Variants in MGAM observed in about 807,000 individuals in gnomAD.
MGAM encodes maltase-glucoamylase.
Under a neutral mutation model 358.8 loss-of-function variants are expected in MGAM, and 253 were observed. The observed-to-expected ratio is 0.71, with a 90% CI of 0.64 to 0.78. The LOEUF (loss-of-function observed/expected upper bound fraction) is 0.78, where lower values mean the gene tolerates loss of function less well. MGAM is among the 30% of genes least tolerant of loss of function. The probability of loss-of-function intolerance (pLI) is 0.00; values close to 1 mark genes in which losing one functional copy is unlikely to be tolerated. For missense variants in MGAM, 3,080 were observed against 3,432.6 expected (o/e 0.90, Z 2.57); for synonymous variants, 1,105 against 1,227.1 (o/e 0.90, Z 2.08).
chr7:142,033,237 G>C (rs1236434553), intron 14 of MGAM, among the ~76,000 whole-genome samples: 4 of 152,132 alleles, frequency 2.6e-5, no homozygotes, highest in Non-Finnish European at 2.9e-5. Flanking sequence ...ACAGGCCAGG[G>C]TTTACCAGAG....
intron 44 of MGAM, among the ~76,000 whole-genome samples, chr7:142,072,000 TTCTAGA>T (rs1813384004): frequency 6.8e-6 from 1 of 146,154 alleles, no homozygotes; most frequent in Non-Finnish European, 1.5e-5. Flanking sequence ...ATTTTTCAAA[TTCTAGA>T]CTTTTTTATG....
intron 21 of MGAM, among the ~76,000 whole-genome samples, chr7:142,042,921 T>C (rs1809210660): frequency 2.3e-5 from 1 of 42,590 alleles, no homozygotes; most frequent in Non-Finnish European, 4.4e-5. Context: ...TATATATACA[T>C]ATAATATCTA....
intron 2 of MGAM, among the ~76,000 whole-genome samples, chr7:142,007,358 T>TTAGA (rs1805252382): frequency 2.0e-5 from 3 of 152,128 alleles, no homozygotes. Flanking sequence ...CCATGGTTTC[T>TTAGA]TATCTGATTC....
At position 142,008,618 on chromosome 7, in the gene MGAM, A is replaced by G; in HGVS notation, c.240A>G (p.Thr80=). Residue 80 remains threonine (T), a synonymous_variant, in exon 3 of 71, where the codon ACA becomes ACG. Coordinates refer to ENST00000475668, the MANE Select transcript of MGAM (RefSeq NM_001365693.1). Reference sequence around the variant, plus strand: ...CAACGGGTCCCCCAGATCCTGGAACAACTGGTACCACTCCTGTTTCTGCTG... The same window carrying G: ...CAACGGGTCCCCCAGATCCTGGAACGACTGGTACCACTCCTGTTTCTGCTG... The part of the protein sequence containing the change: ...ARTTGPPDPG[T]TGTTPVSAEC... The G allele has an allele frequency of 6.2e-7, 1 of 1,613,562 alleles. No homozygotes were observed.
chr7:142,092,563 C>G lies in MGAM; in HGVS notation c.6988C>G (p.Pro2330Ala), dbSNP rs559620536. The G allele has an allele frequency of 5.8e-6, 9 of 1,549,220 alleles. No individual in the cohort carries two copies. In the East Asian group the frequency reaches 2.1e-4, roughly 35 times the overall value. ...AAGCTTCGTGAATGGGGCAGTTTCTCCAGGCTGCAGGGATGCCTCTCTGAA... is the reference window on the plus strand; with the variant it reads ...AAGCTTCGTGAATGGGGCAGTTTCTGCAGGCTGCAGGGATGCCTCTCTGAA... ...PSSFVNGAVS[P>A]GCRDASLNHP... The change falls in exon 59 of 71, where the codon CCA (proline) becomes GCA (alanine). Residue 2330 changes from proline (P) to alanine (A), a missense_variant. Physicochemically the swap from Pro to Ala is conservative, Grantham distance 27. Around this residue, in one of 5 missense-constraint regions of MGAM, gnomAD observed 932 missense variants for 1,198.2 expected, o/e 0.78. Transcript: ENST00000475668.
chr7:142,016,508 C>G (rs1554456223), intron 3 of MGAM, among the ~76,000 whole-genome samples: 1 of 152,106 alleles, frequency 6.6e-6, no homozygotes, highest in Non-Finnish European at 1.5e-5. Flanking sequence ...TATCTTGAAA[C>G]TTTAATCATC....
Position 142,065,572 on chromosome 7 carries a change from G to A in MGAM, c.4619-16G>A, listed in dbSNP as rs1161444737. ...CATGAGAGCCTGGTGTGACACAGCT[G>A]TGCTTCTCGTTGCAGGCATGATGGA... On this transcript the variant is annotated splice_polypyrimidine_tract_variant and intron_variant, in intron 38 of 70. Transcript: ENST00000475668. 1 of 1,613,990 alleles carries A rather than the reference G, an allele frequency of 6.2e-7. No homozygotes were observed. The highest frequency in any genetic ancestry group is 1.7e-5 in the Admixed American group (1 of 60,030).
chr7:142,029,247 C>G (rs998868344), intron 10 of MGAM, among the ~76,000 whole-genome samples: 2 of 152,018 alleles, frequency 1.3e-5, no homozygotes, highest in Admixed American at 1.3e-4. Flanking sequence ...GTAATCCCAG[C>G]TATTCGGGAA....
At chr7:141,998,544 ATGG>A (rs1804463831) in intron 1 of MGAM, among the ~76,000 whole-genome samples, 1 of 152,164 alleles carries the variant, frequency 6.6e-6, no homozygotes, top group African/African-American at 2.4e-5. Flanking sequence ...GCTGAGAATG[ATGG>A]CTTCCAGTTT....
Position 142,078,538 on chromosome 7 carries a change from G to A in MGAM, c.5646+68G>A. Reference sequence around the variant, plus strand: ...CCTAATCTATAGTTTCTTAAGCATAGCAGTGGCACTTATATAACTACTTAA... The same window carrying A: ...CCTAATCTATAGTTTCTTAAGCATAACAGTGGCACTTATATAACTACTTAA... On this transcript the variant is annotated intron_variant, in intron 48 of 70. Transcript: ENST00000475668. The A allele has an allele frequency of 2.9e-6, 4 of 1,378,850 alleles. 1 individual carries two copies. The highest frequency in any genetic ancestry group is 3.9e-6 in the Non-Finnish European group (4 of 1,014,354). The allele number at this position is 1,378,850 out of a possible 1,614,324, so 85.4% of individuals were successfully genotyped here.
chr7:142,052,035 C>G (rs62477573), intron 24 of MGAM, among the ~76,000 whole-genome samples: 21,299 of 152,018 alleles, frequency 0.14, 1,699 homozygotes, highest in Middle Eastern at 0.27. Context: ...AAGGGGTGAT[C>G]ACAACAGGTT....
At chr7:141,987,126 G>A (rs1336719181) in intron 2 of MGAM, among the ~76,000 whole-genome samples, 3 of 152,230 alleles carry the variant, frequency 2.0e-5, no homozygotes, top group African/African-American at 7.2e-5. Flanking sequence ...GAAACTGGAA[G>A]TTAGGATAGT....
In MGAM at chr7:142,052,347, A is replaced by G. The variant is rs540156116; in HGVS notation, c.2859A>G (p.Glu953=). The G allele has an allele frequency of 1.2e-4, 195 of 1,610,550 alleles. 4 individuals carry two copies. In the South Asian group the frequency reaches 2.0e-3, roughly 16 times the overall value. Residue 953 remains glutamate (E), a synonymous_variant, in exon 25 of 71, where the codon GAA becomes GAG. Coordinates refer to ENST00000475668, the MANE Select transcript of MGAM (RefSeq NM_001365693.1). ...TCCTGGGAGAAGCATACACAGTGGA[A>G]TGGAGCATAAAGATAAGGGATGAAG... The part of the protein sequence containing the change: ...DLLLGEAYTV[E]WSIKIRDEEK...
At chr7:142,044,619 A>G (rs1431526967) in intron 21 of MGAM, among the ~76,000 whole-genome samples, 28 of 91,828 alleles carry the variant, frequency 3.0e-4, no homozygotes, top group Non-Finnish European at 6.0e-4. Context: ...ATGATATATA[A>G]TGTATATTAT....
Position 142,059,882 on chromosome 7 carries a change from A to T in MGAM, c.3975A>T (p.Thr1325=), listed in dbSNP as rs193173767. 12 of 1,611,068 alleles carry T rather than the reference A, an allele frequency of 7.4e-6. No homozygotes were observed. In the East Asian group the frequency reaches 2.5e-4, roughly 33 times the overall value. ...ILDPAISGNE[T]QPYPAFTRGV... ...ATCCAGCCATTTCTGGCAATGAGAC[A>T]CAGCCTTATCCTGCCTTCACTCGGG... Residue 1325 remains threonine (T), a synonymous_variant, in exon 33 of 71, where the codon ACA becomes ACT. Transcript: ENST00000475668.
chr7:142,027,271 A>G, intron 9 of MGAM, 44 bp downstream of exon 9: 1 of 1,451,374 alleles, frequency 6.9e-7, no homozygotes, highest in Non-Finnish European at 9.6e-7. Flanking sequence ...AATCCTAAAC[A>G]GCAAATATTT....
chr7:141,990,656 CT>C (rs527543926), intron 2 of MGAM, among the ~76,000 whole-genome samples: 58 of 151,016 alleles, frequency 3.8e-4, no homozygotes, highest in East Asian at 2.9e-3. Flanking sequence ...TCTGTTATTT[CT>C]TTTTTTTTAT....
intron 34 of MGAM, among the ~76,000 whole-genome samples, chr7:142,060,598 C>G (rs1383336774): frequency 7.2e-5 from 11 of 152,212 alleles, no homozygotes; most frequent in Admixed American, 2.6e-4. Context: ...AATTTAAGAC[C>G]AGAGAGCTTA....
chr7:142,022,304 C>A lies in MGAM; in HGVS notation c.747C>A (p.Asp249Glu), dbSNP rs368544175. 1.5e-4 allele frequency: 235 copies of A among 1,612,414 alleles called. 1 individual carries two copies. The highest frequency in any genetic ancestry group is 3.7e-4 in the South Asian group (34 of 90,894). Residue 249 changes from aspartate to glutamate, a missense_variant, in exon 7 of 71, where the codon GAC (aspartate) becomes GAA (glutamate). Asp to Glu is a conservative substitution (Grantham distance 45, BLOSUM62 2). Coordinates refer to ENST00000475668, the MANE Select transcript of MGAM (RefSeq NM_001365693.1). Reference protein sequence around the residue: ...DSSIGPLLFADQFLQLSTRLP... With the variant: ...DSSIGPLLFAEQFLQLSTRLP... ...GCATTGGGCCCCTACTGTTTGCTGACCAGTTCTTGCAGCTCTCCACTCGAC... is the reference window on the plus strand; with the variant it reads ...GCATTGGGCCCCTACTGTTTGCTGAACAGTTCTTGCAGCTCTCCACTCGAC...
Sources: gnomAD v4.1 joint callset for allele counts (sites outside exome capture counted in the v4.1 genomes callset) on GRCh38, gnomAD v4.1.1 for gene constraint, gnomAD v4.1.1 regional missense constraint, MANE v1.5 for transcripts, NCBI Gene and HGNC (gene_info 2026-07-23, HGNC 2026-07-21) for gene names.